The following ALDH1L2 variants were observed in gnomAD, a reference collection of about 807,000 sequenced individuals.
ALDH1L2 encodes mitochondrial 10-formyltetrahydrofolate dehydrogenase.
ALDH1L2 carries 91 observed loss-of-function variants against 111.0 expected under a neutral mutation model. The ratio of observed to expected loss-of-function variants is 0.82; its 90% CI spans 0.69 to 0.98. ALDH1L2 has a LOEUF of 0.98. ALDH1L2 is among the 50% of genes least tolerant of loss of function. ALDH1L2 has a pLI of 0.00. For missense variants in ALDH1L2, 995 were observed against 1,126.8 expected, an observed-to-expected ratio of 0.88 and a Z score of 1.67; for synonymous variants, 374 against 392.6, an observed-to-expected ratio of 0.95 and a Z score of 0.56.
rs1232118729 is a variant in ALDH1L2 at position 105,023,401 on chromosome 12, A to T, written c.*1023T>A. 6.6e-6 allele frequency: 1 copy of T among 152,236 alleles called. No individual in the cohort carries two copies. The highest frequency in any genetic ancestry group is 1.5e-5 in the Non-Finnish European group (1 of 68,034). 9.4% of individuals were successfully genotyped at this position (152,236 alleles called of 1,614,324 possible). Reference sequence around the variant, plus strand: ...GTGCTGCTGTATCAGGCATTGTGTCAGAACAATGGATGAGAAAAATATCTA... The same window carrying T: ...GTGCTGCTGTATCAGGCATTGTGTCTGAACAATGGATGAGAAAAATATCTA... On this transcript the variant is annotated 3_prime_UTR_variant, in exon 23 of 23. Transcript: ENST00000258494.
chr12:105,031,724 T>C, intron 20 of ALDH1L2, 45 bp downstream of exon 20: 1 of 1,590,640 alleles, frequency 6.3e-7, no homozygotes, highest in Non-Finnish European at 8.6e-7. Context: ...CCATTCCAAC[T>C]GAAGAAGGCG....
intron 13 of ALDH1L2, chr12:105,048,487 C>G (rs1335549276): frequency 6.6e-6 from 1 of 152,160 alleles, no homozygotes. Flanking sequence ...TACCACTCCC[C>G]CTTTCTCACT....
At chr12:105,038,285 C>T in intron 17 of ALDH1L2, 83 bp from the exon 18 acceptor site, 2 of 81,428 alleles carry the variant, frequency 2.5e-5, no homozygotes, top group Non-Finnish European at 4.6e-5. Flanking sequence ...CACAAACACA[C>T]ACACACACAC....
In ALDH1L2 at chr12:105,070,687, A is replaced by G; in HGVS notation, c.311T>C (p.Val104Ala). 1 of 1,614,218 alleles carries G rather than the reference A, an allele frequency of 6.2e-7. No homozygotes were observed. Among genetic ancestry groups the G allele is most frequent in the Non-Finnish European group, 8.5e-7 (1 of 1,180,012 alleles). ...AYRSVGAELN[V>A]LPFCTQFIPM... is the part of the protein sequence containing the mutation. Reference sequence around the variant, plus strand: ...AATGAACTGAGTGCAGAAAGGGAGCACATTTAGCTCTGCACCCACGGATCT... The same window carrying G: ...AATGAACTGAGTGCAGAAAGGGAGCGCATTTAGCTCTGCACCCACGGATCT... Residue 104 changes from valine to alanine, a missense_variant, in exon 3 of 23, where the codon GTG becomes GCG. Val to Ala is a moderately conservative substitution (Grantham distance 64). Coordinates refer to ENST00000258494, the MANE Select transcript of ALDH1L2 (RefSeq NM_001034173.4).
intron 10 of ALDH1L2, 117 bp downstream of exon 10, chr12:105,057,956 A>C (rs1876737183): frequency 2.1e-5 from 26 of 1,239,386 alleles, no homozygotes; most frequent in Non-Finnish European, 2.7e-5. Context: ...AGATCTCAGT[A>C]AAGCTGTTGT....
At chr12:105,083,014 C>T (rs1048119739) in intron 1 of ALDH1L2, among the ~76,000 whole-genome samples, 2 of 152,248 alleles carry the variant, frequency 1.3e-5, no homozygotes, top group South Asian at 2.1e-4. Context: ...ACCCTGATCA[C>T]GCCAGTTCTT....
Position 105,023,177 on chromosome 12 carries a change from T to A in ALDH1L2, c.*1247A>T, listed in dbSNP as rs1446738318. 1 of 152,224 alleles carries A rather than the reference T, an allele frequency of 6.6e-6. No individual in the cohort carries two copies. Among genetic ancestry groups the A allele is most frequent in the African/African-American group, 2.4e-5 (1 of 41,446 alleles). 9.4% of individuals were successfully genotyped at this position (152,224 alleles called of 1,614,324 possible). On this transcript the variant is annotated 3_prime_UTR_variant, in exon 23 of 23. Coordinates refer to ENST00000258494, the MANE Select transcript of ALDH1L2 (RefSeq NM_001034173.4). Reference sequence around the variant, plus strand: ...ACACCTACTGAGATAGAGATTTGATTTTCATTTTATAGATACTCAACCTAG... The same window carrying A: ...ACACCTACTGAGATAGAGATTTGATATTCATTTTATAGATACTCAACCTAG...
At chr12:105,083,332 C>G (rs1414323656) in intron 1 of ALDH1L2, among the ~76,000 whole-genome samples, 2 of 151,666 alleles carry the variant, frequency 1.3e-5, no homozygotes, top group Admixed American at 6.6e-5. Context: ...TCCCCACCCC[C>G]ACCCCTCGTT....
intron 20 of ALDH1L2, among the ~76,000 whole-genome samples, chr12:105,031,297 T>C (rs1565949327): frequency 6.6e-6 from 1 of 152,192 alleles, no homozygotes; most frequent in Non-Finnish European, 1.5e-5. Context: ...CACTAAAAAA[T>C]AACTTCCTGT....
intron 13 of ALDH1L2, chr12:105,049,686 C>T: frequency 2.3e-6 from 1 of 426,978 alleles, no homozygotes. Flanking sequence ...ACACCTTTAT[C>T]TTAGACTTCC....
At chr12:105,039,691 A>G in intron 17 of ALDH1L2, 22 bp downstream of exon 17, 1 of 1,605,100 alleles carries the variant, frequency 6.2e-7, no homozygotes. Flanking sequence ...TCTGCAGTGA[A>G]TCAACATTTT....
At position 105,061,747 on chromosome 12, in the gene ALDH1L2, C is replaced by T. The variant is rs200155435; in HGVS notation, c.927G>A (p.Thr309=). ...CATCTTCAAACTGCAGATTTCTCAC[C>T]GTCAGCTACAAAATAGCAACAAAAC... The part of the protein sequence containing the change: ...VLFGNDGKAL[T]VRNLQFEDGK... The change falls in exon 8 of 23, where the codon ACG becomes ACA. Residue 309 remains threonine (T), a synonymous_variant. Transcript: ENST00000258494. 22 of 1,613,940 alleles carry T rather than the reference C, an allele frequency of 1.4e-5. No individual in the cohort carries two copies. Among genetic ancestry groups the T allele is most frequent in the Admixed American group, 3.3e-5 (2 of 59,998 alleles).
At position 105,040,729 on chromosome 12, in the gene ALDH1L2, G is replaced by C. The variant is rs774984357; in HGVS notation, c.1864-35C>G. On this transcript the variant is annotated intron_variant, in intron 15 of 22. Coordinates refer to ENST00000258494, the MANE Select transcript of ALDH1L2 (RefSeq NM_001034173.4). Reference sequence around the variant, plus strand: ...AGCAAACAGCAATTACCTTCTTCAGGCCCTAACCTGACCTTTAGCCCAGAA... The same window carrying C: ...AGCAAACAGCAATTACCTTCTTCAGCCCCTAACCTGACCTTTAGCCCAGAA... 8 of 1,587,752 alleles carry C rather than the reference G, an allele frequency of 5.0e-6. No homozygotes were observed. In the Admixed American group the frequency reaches 8.3e-5, roughly 17 times the overall value.
chr12:105,036,204 G>A (rs1404711288), intron 18 of ALDH1L2, among the ~76,000 whole-genome samples: 1 of 35,754 alleles, frequency 2.8e-5, no homozygotes, highest in Non-Finnish European at 3.9e-5. Flanking sequence ...ATATATACAC[G>A]TATATTTATA....
chr12:105,062,768 A>G, intron 7 of ALDH1L2, 120 bp downstream of exon 7: 1 of 1,264,924 alleles, frequency 7.9e-7, no homozygotes, highest in Non-Finnish European at 1.1e-6. Flanking sequence ...CATCTCCATC[A>G]GGGCACTCAG....
intron 12 of ALDH1L2, chr12:105,050,739 A>G (rs1436383688): frequency 2.2e-6 from 1 of 448,746 alleles, no homozygotes; most frequent in Non-Finnish European, 4.5e-6. Context: ...AGACTGGGTA[A>G]TTTATAAAGG....
chr12:105,019,854 CAAATT>C lies in ALDH1L2; in HGVS notation c.*4565_*4569del, dbSNP rs1367041843. On this transcript the variant is annotated 3_prime_UTR_variant, in exon 23 of 23. Coordinates refer to ENST00000258494, the MANE Select transcript of ALDH1L2 (RefSeq NM_001034173.4). ...TATTGTTAATTGAAAAAGCAGGTAA[CAAATT>C]AATATACAGTATTATGTTAATTATG... 1.3e-5 allele frequency: 2 copies of C among 152,002 alleles called. No homozygotes were observed. Among genetic ancestry groups the C allele is most frequent in the African/African-American group, 2.4e-5 (1 of 41,362 alleles). The allele number at this position is 152,002 out of a possible 1,614,324, so 9.4% of individuals were successfully genotyped here.
At chr12:105,036,540 A>ATATG (rs1555224394) in intron 18 of ALDH1L2, among the ~76,000 whole-genome samples, 6 of 42,676 alleles carry the variant, frequency 1.4e-4, no homozygotes, top group African/African-American at 8.7e-4. Flanking sequence ...ATATATATAT[A>ATATG]TATATATATA....
At chr12:105,080,503 C>G (rs1171893175) in intron 1 of ALDH1L2, among the ~76,000 whole-genome samples, 1 of 152,058 alleles carries the variant, frequency 6.6e-6, no homozygotes, top group East Asian at 1.9e-4. Flanking sequence ...GGGACTATTT[C>G]TTTCTTGTTT....
Sources: allele counts gnomAD v4.1 joint callset (sites outside exome capture counted in the v4.1 genomes callset), GRCh38; gene constraint gnomAD v4.1.1; transcripts MANE v1.5; gene names NCBI Gene and HGNC (gene_info 2026-07-23, HGNC 2026-07-21).